Variants in RALGAPA2 observed in about 807,000 individuals in gnomAD.
RALGAPA2 encodes the protein ral GTPase-activating protein subunit alpha-2.
In RALGAPA2, 139 loss-of-function variants were observed where a neutral mutation model predicts 230.4. The observed-to-expected ratio is 0.60, with a 90% CI of 0.53 to 0.69. The LOEUF (loss-of-function observed/expected upper bound fraction) is 0.69, where lower values mean the gene tolerates loss of function less well. RALGAPA2 is among the 30% of genes least tolerant of loss of function. The pLI is 0.00. For synonymous variants in RALGAPA2, 847 were observed against 837.8 expected, an observed-to-expected ratio of 1.01 and a Z score of -0.19; for missense variants, 2,163 against 2,276.0, an observed-to-expected ratio of 0.95 and a Z score of 1.01.
At chr20:20,659,423 G>A (rs775392090) in intron 3 of RALGAPA2, among the ~76,000 whole-genome samples, 62 of 152,260 alleles carry the variant, frequency 4.1e-4, no homozygotes, top group Non-Finnish European at 7.2e-4. Flanking sequence ...CCTGCTATAC[G>A]TTTAAAGTTA....
rs984192691 is a variant in RALGAPA2, at chr20:20,649,796, C to T, written c.328+3734G>A. 4.6e-5 allele frequency among the ~76,000 whole-genome samples: 7 copies of T among 152,140 alleles called. No homozygotes were observed. The East Asian group carries it at 7.7e-4, about 17-fold the overall frequency. ...ACATATAACTTAAGTCCTGTGTTGA[C>T]GATGCGCAGCCTGCCCTTATACCAA... is the stretch of plus-strand genomic sequence containing the variant. On this transcript the variant is annotated intron_variant, in intron 4 of 39. Transcript: ENST00000202677.
At chr20:20,686,325 C>G (rs977741213) in intron 1 of RALGAPA2, among the ~76,000 whole-genome samples, 1 of 152,134 alleles carries the variant, frequency 6.6e-6, no homozygotes, top group Non-Finnish European at 1.5e-5. Flanking sequence ...GCTGGTGGAT[C>G]ACTTGAGGTC....
At position 20,659,720 on chromosome 20, in the gene RALGAPA2, T is replaced by TA. The variant is rs1422871255; in HGVS notation, c.271-6134dup. ...AGCAGCAGCGAGAGGATGAACAAGT[T>TA]ATACACCTTGAAAGATGATGACACT... On this transcript the variant is annotated intron_variant, in intron 3 of 39. Coordinates refer to ENST00000202677, the MANE Select transcript of RALGAPA2 (RefSeq NM_020343.4). 3 of 657,362 alleles carry TA rather than the reference T, an allele frequency of 4.6e-6. No individual in the cohort carries two copies. In the East Asian group the frequency reaches 1.3e-4, roughly 28 times the overall value. The allele number at this position is 657,362 out of a possible 1,614,324, so 40.7% of individuals were successfully genotyped here.
At chr20:20,549,294 A>G (rs759314676) in intron 23 of RALGAPA2, among the ~76,000 whole-genome samples, 2 of 152,238 alleles carry the variant, frequency 1.3e-5, no homozygotes, top group Non-Finnish European at 2.9e-5. Flanking sequence ...CTAAGTTGCT[A>G]TACTGATGCT....
rs2059630049 is a variant in RALGAPA2 at position 20,393,082 on chromosome 20, T to C, written c.*207A>G. ...TGAGACACGGTAGTGGGATTCACCA[T>C]GGGCTTCAGAAGTCCACTAATGGGA... On this transcript the variant is annotated 3_prime_UTR_variant, in exon 40 of 40. Transcript: ENST00000202677. 7.4e-7 allele frequency: 1 copy of C among 1,345,416 alleles called. No individual in the cohort carries two copies. Among genetic ancestry groups the C allele is most frequent in the East Asian group, 4.7e-5 (1 of 21,318 alleles). 83.3% of individuals were successfully genotyped at this position (1,345,416 alleles called of 1,614,324 possible).
chr20:20,536,427 T>TA (rs1422520413), intron 25 of RALGAPA2, among the ~76,000 whole-genome samples: 3 of 152,236 alleles, frequency 2.0e-5, no homozygotes, highest in Non-Finnish European at 2.9e-5. Context: ...ACAGGTATAA[T>TA]AAAAAACACC....
rs115214878 is a variant in RALGAPA2 at position 20,552,275 on chromosome 20, C to T, written c.3157-5443G>A. Among the ~76,000 whole-genome samples the T allele has an allele frequency of 8.0e-3, 1,213 of 152,278 alleles. 16 individuals are homozygous for T. Among genetic ancestry groups the T allele is most frequent in the African/African-American group, 0.028 (1,152 of 41,544 alleles). ...TCCCTGCCTTTCCTTCGTGGACTTG[C>T]GCCTGCTTCTCAAGAGCAAACAGAT... On this transcript the variant is annotated intron_variant, in intron 23 of 39. Transcript: ENST00000202677.
chr20:20,518,346 C>G lies in RALGAPA2; in HGVS notation c.4084+2571G>C, dbSNP rs186879456. ...CTGGGATTACAGGCGTCGGCCACCA[C>G]GCCCGGCCACCCTGACCAGAGATAG... On this transcript the variant is annotated intron_variant, in intron 31 of 39. Transcript: ENST00000202677. 1.0e-3 allele frequency among the ~76,000 whole-genome samples: 157 copies of G among 152,286 alleles called. 3 individuals carry two copies. The highest frequency in any genetic ancestry group is 3.4e-3 in the Middle Eastern group (1 of 294).
intron 20 of RALGAPA2, among the ~76,000 whole-genome samples, chr20:20,581,883 A>G (rs921922175): frequency 1.3e-5 from 2 of 152,108 alleles, no homozygotes; most frequent in Admixed American, 6.6e-5. Flanking sequence ...AATCATTTTA[A>G]AATATTTTTT....
chr20:20,685,474 A>G (rs967500369), intron 1 of RALGAPA2, among the ~76,000 whole-genome samples: 5 of 152,218 alleles, frequency 3.3e-5, no homozygotes, highest in African/African-American at 1.2e-4. Context: ...CCAATGAAAT[A>G]GATGGGCAGG....
rs1428540919 is a variant in RALGAPA2 at position 20,539,509 on chromosome 20, T to C, written c.3286-2725A>G. Among the ~76,000 whole-genome samples, 8 of 152,332 alleles carry C rather than the reference T, an allele frequency of 5.3e-5. No homozygotes were observed. In the South Asian group the frequency reaches 6.2e-4, roughly 12 times the overall value. ...TTACTAAAGCATAATTAATAAAAAT[T>C]TGTATATTTAAAGTATATACAACAT... On this transcript the variant is annotated intron_variant, in intron 24 of 39. Transcript: ENST00000202677.
chr20:20,513,169 G>C lies in RALGAPA2; in HGVS notation c.4200C>G (p.Ser1400Arg), dbSNP rs1189514930. The C allele has an allele frequency of 1.3e-6, 2 of 1,548,666 alleles. No individual in the cohort carries two copies. Among genetic ancestry groups the C allele is most frequent in the Non-Finnish European group, 1.7e-6 (2 of 1,151,614 alleles). ...CATTGTCATGGTTCTCGCTGACAAG[G>C]CTGTGCAGTATGGCAGGGCCCCCAC... ...PLSGGPAILH[S>R]LVSENHDNAH... is the part of the protein sequence containing the mutation. The change falls in exon 32 of 40, where the codon AGC becomes AGG. Residue 1400 changes from serine (S) to arginine (R), a missense_variant. Transcript: ENST00000202677.
intron 32 of RALGAPA2, among the ~76,000 whole-genome samples, chr20:20,511,958 A>G (rs750875103): frequency 9.9e-5 from 15 of 152,140 alleles, no homozygotes; most frequent in Non-Finnish European, 1.9e-4. Flanking sequence ...TGGGAGGCCA[A>G]GGAGGGTAAA....
chr20:20,504,048 T>G (rs1206350628), intron 34 of RALGAPA2, among the ~76,000 whole-genome samples: 3 of 152,206 alleles, frequency 2.0e-5, no homozygotes, highest in African/African-American at 7.2e-5. Flanking sequence ...TCTTAGTGCC[T>G]TTATCCAAAA....
intron 37 of RALGAPA2, among the ~76,000 whole-genome samples, chr20:20,466,688 G>C (rs1272817016): frequency 2.0e-5 from 3 of 152,162 alleles, no homozygotes; most frequent in African/African-American, 7.2e-5. Flanking sequence ...TTCCTATGCA[G>C]AGGTCTCAAG....
intron 13 of RALGAPA2, among the ~76,000 whole-genome samples, chr20:20,615,007 A>T (rs902410290): frequency 3.3e-5 from 5 of 152,162 alleles, no homozygotes; most frequent in African/African-American, 1.2e-4. Context: ...ATGAGAGGGA[A>T]CACACAAAGG....
At chr20:20,554,235 A>G (rs1256735470) in intron 23 of RALGAPA2, among the ~76,000 whole-genome samples, 3 of 152,226 alleles carry the variant, frequency 2.0e-5, no homozygotes, top group Admixed American at 2.0e-4. Context: ...ATATTTCAGC[A>G]TATGGAATCT....
At chr20:20,521,141 C>T (rs957978702) in intron 30 of RALGAPA2, 41 bp from the exon 31 acceptor site, 9 of 1,504,840 alleles carry the variant, frequency 6.0e-6, no homozygotes, top group Non-Finnish European at 8.1e-6. Flanking sequence ...ATGCTACTCA[C>T]CGCGTGTCCC....
chr20:20,591,076 TA>T (rs1240471020), intron 17 of RALGAPA2, 100 bp downstream of exon 17: 15 of 1,312,428 alleles, frequency 1.1e-5, no homozygotes, highest in African/African-American at 3.0e-5. Flanking sequence ...TCCCTTGAAA[TA>T]AATATATTCA....
Sources: gnomAD v4.1 joint callset for allele counts (sites outside exome capture counted in the v4.1 genomes callset) on GRCh38, gnomAD v4.1.1 for gene constraint, MANE v1.5 for transcripts, NCBI Gene and HGNC (gene_info 2026-07-23, HGNC 2026-07-21) for gene names.